The following PPP6R2 variants were observed in gnomAD, a reference collection of about 807,000 sequenced individuals.
PPP6R2 encodes serine/threonine-protein phosphatase 6 regulatory subunit 2.
A neutral mutation model predicts 100.2 loss-of-function variants in PPP6R2; 62 were observed. The observed-to-expected ratio is 0.62, with a 90% CI of 0.50 to 0.76. PPP6R2 has a LOEUF of 0.76. PPP6R2 is among the 30% of genes least tolerant of loss of function. The pLI is 0.00. For missense variants in PPP6R2, 1,142 were observed against 1,276.3 expected (o/e 0.89, Z 1.60); for synonymous variants, 525 against 514.7 (o/e 1.02, Z -0.27).
At chr22:50,341,369 A>C (rs1278891613), upstream of PPP6R2, among the ~76,000 whole-genome samples, 1 of 151,998 alleles carries the variant, frequency 6.6e-6, no homozygotes, top group Non-Finnish European at 1.5e-5. Context: ...ACACCTGGCT[A>C]GTTTTTTAAT....
intron 4 of PPP6R2, among the ~76,000 whole-genome samples, chr22:50,414,331 G>GGCCCCCCCCCCCCCCCCCCCCCCCCCCCC (rs2060189395): frequency 3.7e-5 from 1 of 26,776 alleles, no homozygotes; most frequent in African/African-American, 8.4e-5. Context: ...CTGTGCAGTG[G>GGCCCCCCCCCCCCCCCCCCCCCCCCCCCC]CCCCCCCCCC....
chr22:50,337,838 GGTGT>G, the PPP6R2 span, among the ~76,000 whole-genome samples: 1 of 144,872 alleles, frequency 6.9e-6, no homozygotes, highest in East Asian at 2.1e-4. Flanking sequence ...GTGTGTGTGG[GGTGT>G]GTGTGGTGTG....
At chr22:50,420,766 G>A (rs2061225886) in intron 8 of PPP6R2, among the ~76,000 whole-genome samples, 1 of 152,212 alleles carries the variant, frequency 6.6e-6, no homozygotes, top group African/African-American at 2.4e-5. Context: ...TCCCAAAAGG[G>A]CCACATCAGT....
At chr22:50,437,483 C>CAGCCAA in intron 15 of PPP6R2, 23 bp from the exon 16 acceptor site, 1 of 734,982 alleles carries the variant, frequency 1.4e-6, no homozygotes, top group Non-Finnish European at 2.5e-6. Flanking sequence ...CTGTCCGTCC[C>CAGCCAA]TCCCTCCCTC....
intron 2 of PPP6R2, among the ~76,000 whole-genome samples, chr22:50,374,691 G>A (rs1019646932): frequency 5.3e-5 from 8 of 152,042 alleles, no homozygotes; most frequent in African/African-American, 7.2e-5. Context: ...CAAGGTGGGC[G>A]GATCATAAGG....
intron 12 of PPP6R2, 137 bp downstream of exon 12, chr22:50,432,466 G>A (rs1032456665): frequency 2.1e-5 from 17 of 807,848 alleles, no homozygotes; most frequent in Middle Eastern, 3.6e-4. Flanking sequence ...GTGGCTCCAC[G>A]TTCTGGGGCT....
intron 4 of PPP6R2, among the ~76,000 whole-genome samples, chr22:50,411,231 A>C (rs2147315968): frequency 6.6e-6 from 1 of 152,316 alleles, no homozygotes; most frequent in African/African-American, 2.4e-5. Context: ...AGGTGAGTGG[A>C]TCACTTGAGC....
chr22:50,382,194 G>A (rs765488610), intron 2 of PPP6R2, among the ~76,000 whole-genome samples: 3 of 152,100 alleles, frequency 2.0e-5, no homozygotes, highest in Non-Finnish European at 2.9e-5. Context: ...TCTATTATTC[G>A]TTGGTGATAC....
At chr22:50,375,508 A>G (rs1231563263) in intron 2 of PPP6R2, among the ~76,000 whole-genome samples, 1 of 152,128 alleles carries the variant, frequency 6.6e-6, no homozygotes, top group African/African-American at 2.4e-5. Context: ...CCCCACACCG[A>G]TGGAACTCTG....
intron 10 of PPP6R2, among the ~76,000 whole-genome samples, chr22:50,427,834 C>T (rs936436465): frequency 6.6e-6 from 1 of 152,240 alleles, no homozygotes; most frequent in African/African-American, 2.4e-5. Context: ...CATTCTCCTT[C>T]CTCAGCCTCC....
At chr22:50,438,871 C>T (rs2064976519) in intron 19 of PPP6R2, 109 bp downstream of exon 19, 1 of 1,160,170 alleles carries the variant, frequency 8.6e-7, no homozygotes, top group African/African-American at 1.5e-5. Context: ...TTGGGGCTCA[C>T]TGTGGCCCGG....
chr22:50,437,483 C>CCACCCCA, intron 15 of PPP6R2, 23 bp from the exon 16 acceptor site: 1 of 734,984 alleles, frequency 1.4e-6, no homozygotes, highest in Non-Finnish European at 2.5e-6. Context: ...CTGTCCGTCC[C>CCACCCCA]TCCCTCCCTC....
chr22:50,406,605 C>G (rs778435808), intron 3 of PPP6R2, 84 bp from the exon 4 acceptor site: 3 of 1,333,342 alleles, frequency 2.2e-6, no homozygotes, highest in South Asian at 1.3e-5. Context: ...GGGTCTGCTT[C>G]CTAAGAAGCA....
At chr22:50,442,526 CCTTCTTAA>C (rs1343135455) in intron 22 of PPP6R2, among the ~76,000 whole-genome samples, 1 of 138,104 alleles carries the variant, frequency 7.2e-6, no homozygotes, top group Non-Finnish European at 1.6e-5. Flanking sequence ...GGGCTTCATT[CCTTCTTAA>C]AGTTTAGTCA....
chr22:50,393,515 C>T (rs906112741), intron 2 of PPP6R2: 10 of 983,108 alleles, frequency 1.0e-5, no homozygotes, highest in South Asian at 4.7e-5. Context: ...AGGGGCATGT[C>T]GAGCACGCTG....
chr22:50,355,656 G>T (rs1805943399), intron 1 of PPP6R2, among the ~76,000 whole-genome samples: 1 of 151,300 alleles, frequency 6.6e-6, no homozygotes, highest in Non-Finnish European at 1.5e-5. Context: ...GAGTACCTGG[G>T]ACTACAGGTG....
chr22:50,443,884 C>T lies in PPP6R2; in HGVS notation c.2598C>T (p.Ser866=). 3.2e-6 allele frequency: 5 copies of T among 1,583,368 alleles called. No homozygotes were observed. Among genetic ancestry groups the T allele is most frequent in the Non-Finnish European group, 4.3e-6 (5 of 1,164,682 alleles). ...EAVGRVGCAD[S]RLLSPACPAP... ...CACACAGGGTCGGGTGTGCTGACAG[C>T]CGGCTGTTAAGCCCTGCCTGCCCCG... Residue 866 remains serine (S), a synonymous_variant, in exon 23 of 24, where the codon AGC becomes AGT. Transcript: ENST00000612753.
At chr22:50,365,069 C>CTT (rs753699499) in intron 1 of PPP6R2, among the ~76,000 whole-genome samples, 15 of 128,426 alleles carry the variant, frequency 1.2e-4, no homozygotes, top group African/African-American at 2.3e-4. Flanking sequence ...ATATGAGATA[C>CTT]TTTTTTTTTT....
rs1221014892 is a variant in PPP6R2, at chr22:50,431,423, C to G, written c.1335+41C>G. On this transcript the variant is annotated intron_variant, in intron 11 of 23. Coordinates refer to ENST00000612753, the MANE Select transcript of PPP6R2 (RefSeq NM_001242898.2). The surrounding 1 kb of genome is among the most constrained non-coding windows in gnomAD (Gnocchi z 4.8). ...ATCCATCTTATCAGCGCCAACTGCG[C>G]CCCACTCAGACCGTGTCCATGTCAG... 1 of 1,556,442 alleles carries G rather than the reference C, an allele frequency of 6.4e-7. No individual in the cohort carries two copies. The highest frequency in any genetic ancestry group is 8.8e-7 in the Non-Finnish European group (1 of 1,137,862).
Sources: allele counts gnomAD v4.1 joint callset (sites outside exome capture counted in the v4.1 genomes callset), GRCh38; gene constraint gnomAD v4.1.1; non-coding constraint Gnocchi (gnomAD v3.1); transcripts MANE v1.5; gene names NCBI Gene and HGNC (gene_info 2026-07-23, HGNC 2026-07-21).